LRP1B: variants seen among roughly 807,000 people sequenced by gnomAD.
The protein encoded by LRP1B is low-density lipoprotein receptor-related protein 1B.
LRP1B carries 217 observed loss-of-function variants against 556.6 expected under a neutral mutation model. The ratio of observed to expected loss-of-function variants is 0.39; its 90% CI spans 0.35 to 0.44. The LOEUF is 0.44. Among genes scored for constraint, LRP1B ranks in the 20% least tolerant of loss-of-function variants. LRP1B has a pLI of 1.00. For missense variants in LRP1B, 5,053 were observed against 5,620.8 expected (o/e 0.90, Z 3.23); for synonymous variants, 2,047 against 1,865.8 (o/e 1.10, Z -2.50).
At chr2:141,562,835 AT>A (rs1227573828) in intron 2 of LRP1B, among the ~76,000 whole-genome samples, 1 of 152,038 alleles carries the variant, frequency 6.6e-6, no homozygotes, top group Non-Finnish European at 1.5e-5. Flanking sequence ...ATAATTGCAT[AT>A]TTTTTGAGGA....
intron 3 of LRP1B, among the ~76,000 whole-genome samples, chr2:141,384,044 T>G (rs1689740313): frequency 6.6e-6 from 1 of 152,214 alleles, no homozygotes; most frequent in Admixed American, 6.5e-5. Context: ...ACTATGGCTA[T>G]GTTAATTAGT....
chr2:140,486,509 T>C (rs1688478234), intron 58 of LRP1B, among the ~76,000 whole-genome samples: 1 of 151,858 alleles, frequency 6.6e-6, no homozygotes, highest in South Asian at 2.1e-4. Flanking sequence ...CATAACCTTA[T>C]GTAAATAGGT....
At chr2:140,384,283 T>C (rs1010710924) in intron 67 of LRP1B, among the ~76,000 whole-genome samples, 1 of 152,184 alleles carries the variant, frequency 6.6e-6, no homozygotes, top group Non-Finnish European at 1.5e-5. Flanking sequence ...AAGTAGATAT[T>C]TGTGCACTTA....
At chr2:140,323,180 T>G (rs1017167663) in intron 81 of LRP1B, among the ~76,000 whole-genome samples, 1 of 152,046 alleles carries the variant, frequency 6.6e-6, no homozygotes. Context: ...AAGAGCGAAC[T>G]GATCATTAGA....
At chr2:141,493,655 GC>G (rs1683415226) in intron 2 of LRP1B, among the ~76,000 whole-genome samples, 1 of 152,122 alleles carries the variant, frequency 6.6e-6, no homozygotes, top group African/African-American at 2.4e-5. Context: ...CTCTCGCTCT[GC>G]CCACCTGTGT....
intron 1 of LRP1B, among the ~76,000 whole-genome samples, chr2:142,000,407 T>A (rs1056830605): frequency 6.6e-6 from 1 of 152,210 alleles, no homozygotes; most frequent in Non-Finnish European, 1.5e-5. Context: ...AATTTATACA[T>A]AATTACAATC....
intron 1 of LRP1B, among the ~76,000 whole-genome samples, chr2:142,038,259 T>C (rs1212938036): frequency 6.6e-6 from 1 of 151,554 alleles, no homozygotes; most frequent in Non-Finnish European, 1.5e-5. Context: ...TGGTGATGCC[T>C]TGAATGCAAT....
Position 140,772,941 on chromosome 2 carries a change from A to G in LRP1B, c.5501-1935T>C, listed in dbSNP as rs573567855. On this transcript the variant is annotated intron_variant, in intron 33 of 90. Transcript: ENST00000389484. ...GTCTCAAAACCCCATCTCTACTGAA[A>G]AAACAAAAATTAGCCAGGTGTGGTG... Among the ~76,000 whole-genome samples, 3 of 152,132 alleles carry G rather than the reference A, an allele frequency of 2.0e-5. No individual in the cohort carries two copies. In the South Asian group the frequency reaches 6.2e-4, roughly 32 times the overall value.
At chr2:140,468,398 G>A (rs1248069902) in intron 60 of LRP1B, among the ~76,000 whole-genome samples, 1 of 152,152 alleles carries the variant, frequency 6.6e-6, no homozygotes, top group African/African-American at 2.4e-5. Context: ...CAGTGGTAGG[G>A]CCACAGTAGA....
At chr2:141,847,659 G>A (rs763133093) in intron 1 of LRP1B, among the ~76,000 whole-genome samples, 3 of 151,568 alleles carry the variant, frequency 2.0e-5, no homozygotes, top group Non-Finnish European at 4.4e-5. Flanking sequence ...GCAACTTGAT[G>A]TAGGGATGAT....
At chr2:141,599,247 A>T (rs1687647216) in intron 2 of LRP1B, among the ~76,000 whole-genome samples, 1 of 151,918 alleles carries the variant, frequency 6.6e-6, no homozygotes, top group African/African-American at 2.4e-5. Flanking sequence ...AAACAGCATT[A>T]GAGGTAGTGC....
chr2:141,452,375 T>C (rs1406900206), intron 3 of LRP1B, among the ~76,000 whole-genome samples: 2 of 152,176 alleles, frequency 1.3e-5, no homozygotes, highest in Admixed American at 6.5e-5. Context: ...AGACTTTTTT[T>C]TGATGATGGA....
intron 2 of LRP1B, among the ~76,000 whole-genome samples, chr2:141,723,992 C>T (rs1187884654): frequency 1.3e-5 from 2 of 151,394 alleles, no homozygotes; most frequent in African/African-American, 2.4e-5. Context: ...CTCATTTTTC[C>T]CAGAAAGGGA....
intron 31 of LRP1B, among the ~76,000 whole-genome samples, chr2:140,838,765 AG>A (rs1692003470): frequency 6.6e-6 from 1 of 152,184 alleles, no homozygotes; most frequent in Admixed American, 6.5e-5. Context: ...AATTTTTAAA[AG>A]GTATTCTGAA....
intron 3 of LRP1B, among the ~76,000 whole-genome samples, chr2:141,347,757 T>C (rs1300979763): frequency 6.6e-6 from 1 of 152,038 alleles, no homozygotes; most frequent in East Asian, 1.9e-4. Flanking sequence ...GCTACTAATA[T>C]TTTCATCAAG....
At chr2:140,604,825 C>T (rs1375465404) in intron 41 of LRP1B, among the ~76,000 whole-genome samples, 1 of 151,640 alleles carries the variant, frequency 6.6e-6, no homozygotes, top group Non-Finnish European at 1.5e-5. Context: ...ATGCTGTTCC[C>T]GTGATAGTGA....
chr2:140,911,450 T>G (rs958415255), intron 21 of LRP1B, among the ~76,000 whole-genome samples: 1 of 151,780 alleles, frequency 6.6e-6, no homozygotes, highest in Non-Finnish European at 1.5e-5. Context: ...TATATTAGCT[T>G]ATTTTAAAAA....
chr2:140,519,056 A>C (rs1308846116), intron 49 of LRP1B, among the ~76,000 whole-genome samples: 1 of 152,304 alleles, frequency 6.6e-6, no homozygotes, highest in African/African-American at 2.4e-5. Flanking sequence ...TATAGACGCA[A>C]TGCCATCCCC....
At chr2:141,837,472 T>TG (rs1697324415) in intron 1 of LRP1B, among the ~76,000 whole-genome samples, 1 of 152,028 alleles carries the variant, frequency 6.6e-6, no homozygotes, top group African/African-American at 2.4e-5. Context: ...GAAGTTATGA[T>TG]GAAAAAATCT....
Sources: gnomAD v4.1 joint callset for allele counts (sites outside exome capture counted in the v4.1 genomes callset) on GRCh38, gnomAD v4.1.1 for gene constraint, MANE v1.5 for transcripts, NCBI Gene and HGNC (gene_info 2026-07-23, HGNC 2026-07-21) for gene names.